Variants in NIN observed in about 807,000 individuals in gnomAD.
NIN encodes ninein.
Under a neutral mutation model 257.6 loss-of-function variants are expected in NIN, and 137 were observed. That is an observed-to-expected ratio of 0.53 (90% CI 0.46 to 0.61). The LOEUF (loss-of-function observed/expected upper bound fraction) is 0.61, where lower values mean the gene tolerates loss of function less well. Among genes scored for constraint, NIN ranks in the 20% least tolerant of loss-of-function variants. NIN has a pLI of 0.00. For synonymous variants in NIN, 918 were observed against 919.8 expected, an observed-to-expected ratio of 1.00 and a Z score of 0.04; for missense variants, 2,439 against 2,501.2, an observed-to-expected ratio of 0.98 and a Z score of 0.53.
At chr14:50,772,587 A>T in intron 8 of NIN, 119 bp from the exon 9 acceptor site, 1 of 865,444 alleles carries the variant, frequency 1.2e-6, no homozygotes, top group Non-Finnish European at 1.8e-6. Context: ...AGTGCCAGGA[A>T]AAAAGTCATG....
chr14:50,824,063 C>T (rs2045354413), intron 2 of NIN, among the ~76,000 whole-genome samples: 3 of 152,234 alleles, frequency 2.0e-5, no homozygotes, highest in African/African-American at 2.4e-5. Context: ...CTGAGTTTTA[C>T]AGTCCCCTGG....
At chr14:50,740,503 C>T (rs928752491) in intron 25 of NIN, among the ~76,000 whole-genome samples, 4 of 152,340 alleles carry the variant, frequency 2.6e-5, no homozygotes, top group Admixed American at 6.5e-5. Context: ...CACTCGCCAC[C>T]ATGCCCAGCT....
chr14:50,733,784 T>C (rs372942758), intron 28 of NIN, among the ~76,000 whole-genome samples: 1 of 152,228 alleles, frequency 6.6e-6, no homozygotes, highest in Non-Finnish European at 1.5e-5. Context: ...CAGAAAAGCA[T>C]GTCTACATCT....
rs777846333 is a variant in NIN at position 50,757,471 on chromosome 14, C to T, written c.3559G>A (p.Glu1187Lys). Residue 1187 changes from glutamate (E) to lysine (K), a missense_variant, in exon 18 of 31, where the codon GAA (glutamate) becomes AAA (lysine). Physicochemically the swap from Glu to Lys is moderately conservative, Grantham distance 56. Coordinates refer to ENST00000530997, the MANE Select transcript of NIN (RefSeq NM_020921.4). ...TCCCAGGATTCAGTCCTGGTCTCTTCACTGTTTTCAAGCTCAGAAAAACCC... is the reference window on the plus strand; with the variant it reads ...TCCCAGGATTCAGTCCTGGTCTCTTTACTGTTTTCAAGCTCAGAAAAACCC... ...VEGFSELENS[E>K]ETRTESWELK... The T allele has an allele frequency of 1.9e-6, 3 of 1,614,078 alleles. No individual in the cohort carries two copies. Among genetic ancestry groups the T allele is most frequent in the Non-Finnish European group, 2.5e-6 (3 of 1,180,020 alleles).
intron 2 of NIN, among the ~76,000 whole-genome samples, chr14:50,829,002 G>C (rs1467669593): frequency 6.6e-6 from 1 of 152,182 alleles, no homozygotes; most frequent in Non-Finnish European, 1.5e-5. Flanking sequence ...ATTGCCCCCT[G>C]TGAAGCCTTT....
intron 3 of NIN, among the ~76,000 whole-genome samples, chr14:50,812,076 C>T (rs762716870): frequency 2.0e-5 from 3 of 152,206 alleles, no homozygotes; most frequent in East Asian, 1.9e-4. Context: ...GTTGAGATCA[C>T]GCCACTGCAC....
chr14:50,789,656 C>T (rs1299164750), intron 5 of NIN, among the ~76,000 whole-genome samples: 1 of 152,212 alleles, frequency 6.6e-6, no homozygotes, highest in Non-Finnish European at 1.5e-5. Flanking sequence ...AAATCAATCC[C>T]ACACGTCATT....
At chr14:50,784,302 A>T (rs2043253024) in intron 5 of NIN, among the ~76,000 whole-genome samples, 1 of 152,182 alleles carries the variant, frequency 6.6e-6, no homozygotes, top group Admixed American at 6.5e-5. Context: ...CAGAAAAATG[A>T]TGTGGTTAGG....
chr14:50,749,037 A>G (rs776767605), intron 21 of NIN, among the ~76,000 whole-genome samples: 6 of 152,250 alleles, frequency 3.9e-5, no homozygotes, highest in Non-Finnish European at 8.8e-5. Flanking sequence ...AGCTGGGGGC[A>G]TCAAGCTACC....
chr14:50,806,007 C>T (rs1216463996), intron 4 of NIN: 3 of 152,012 alleles, frequency 2.0e-5, no homozygotes, highest in East Asian at 1.9e-4. Context: ...TTTGAAGACA[C>T]CTCCCCCCTA....
intron 3 of NIN, among the ~76,000 whole-genome samples, chr14:50,809,455 G>A (rs1466526100): frequency 1.3e-5 from 2 of 152,062 alleles, no homozygotes; most frequent in African/African-American, 4.8e-5. Flanking sequence ...TTAATGGAGG[G>A]GACTGAATGA....
intron 21 of NIN, among the ~76,000 whole-genome samples, chr14:50,748,767 C>T (rs2041663449): frequency 6.6e-6 from 1 of 152,104 alleles, no homozygotes; most frequent in Non-Finnish European, 1.5e-5. Context: ...CATGAAGGAC[C>T]TCTTCAAGGA....
intron 5 of NIN, among the ~76,000 whole-genome samples, chr14:50,788,976 A>G (rs2043460681): frequency 6.6e-6 from 1 of 152,224 alleles, no homozygotes; most frequent in African/African-American, 2.4e-5. Flanking sequence ...CATGTCTGAG[A>G]GCAGGGGAAA....
intron 4 of NIN, among the ~76,000 whole-genome samples, chr14:50,794,709 G>A (rs1276520525): frequency 6.6e-6 from 1 of 151,846 alleles, no homozygotes; most frequent in Non-Finnish European, 1.5e-5. Flanking sequence ...TTGTGTCCTG[G>A]GGATGGAAGT....
Position 50,759,862 on chromosome 14 carries a change from C to G in NIN, c.2394G>C (p.Glu798Asp). Residue 798 changes from glutamate to aspartate, a missense_variant, in exon 17 of 31, where the codon GAG (glutamate) becomes GAC (aspartate). Physicochemically the swap from Glu to Asp is conservative, Grantham distance 45. This residue lies in a region of NIN where 2,043 missense variants were observed against 2,050.2 expected (regional missense o/e 1.00). Coordinates refer to ENST00000530997, the MANE Select transcript of NIN (RefSeq NM_020921.4). ...LLEKHQRELQEGREKMETECN... is the reference protein window; with the variant it reads ...LLEKHQRELQDGREKMETECN... ...ATTTCCCTTCACTTTCTTACCTTCCCTCCTGAAGCTCCCTTTGGTGCTTTT... is the reference window on the plus strand; with the variant it reads ...ATTTCCCTTCACTTTCTTACCTTCCGTCCTGAAGCTCCCTTTGGTGCTTTT... 1 of 1,606,238 alleles carries G rather than the reference C, an allele frequency of 6.2e-7. No homozygotes were observed. Among genetic ancestry groups the G allele is most frequent in the South Asian group, 1.1e-5 (1 of 89,914 alleles).
In NIN at chr14:50,752,666, G is replaced by C; in HGVS notation, c.4802C>G (p.Ser1601Cys). Residue 1601 changes from serine (S) to cysteine (C), a missense_variant, in exon 21 of 31, where the codon TCT becomes TGT. Ser to Cys is a moderately radical substitution (Grantham distance 112, BLOSUM62 -1). This residue lies in a region of NIN where 2,043 missense variants were observed against 2,050.2 expected (regional missense o/e 1.00). Coordinates refer to ENST00000530997, the MANE Select transcript of NIN (RefSeq NM_020921.4). ...LENTELSQKN[S>C]QNQEKLQELN... ...TTCTTGCAGTTTTTCCTGGTTTTGAGAGTTCTTTTGGCTAAGTTCTGTATT... is the reference window on the plus strand; with the variant it reads ...TTCTTGCAGTTTTTCCTGGTTTTGACAGTTCTTTTGGCTAAGTTCTGTATT... The C allele has an allele frequency of 1.2e-6, 2 of 1,613,362 alleles. No homozygotes were observed. Among genetic ancestry groups the C allele is most frequent in the East Asian group, 2.2e-5 (1 of 44,860 alleles).
chr14:50,790,846 A>C (rs1457924950), intron 5 of NIN, among the ~76,000 whole-genome samples: 1 of 152,204 alleles, frequency 6.6e-6, no homozygotes, highest in Non-Finnish European at 1.5e-5. Context: ...TCAAAGTCTC[A>C]CTTTAAAAAT....
intron 5 of NIN, among the ~76,000 whole-genome samples, chr14:50,782,661 T>C (rs1450947561): frequency 4.6e-5 from 7 of 152,248 alleles, no homozygotes; most frequent in Non-Finnish European, 7.3e-5. Flanking sequence ...ATGTTGTTTA[T>C]GCAACAGAAA....
intron 7 of NIN, among the ~76,000 whole-genome samples, chr14:50,775,138 G>T (rs1022605464): frequency 2.6e-5 from 4 of 152,190 alleles, no homozygotes; most frequent in Non-Finnish European, 5.9e-5. Context: ...CTCCAAAGGG[G>T]CTGGCTGCAT....
Sources: gnomAD v4.1 joint callset for allele counts (sites outside exome capture counted in the v4.1 genomes callset) on GRCh38, gnomAD v4.1.1 for gene constraint, gnomAD v4.1.1 regional missense constraint, MANE v1.5 for transcripts, NCBI Gene and HGNC (gene_info 2026-07-23, HGNC 2026-07-21) for gene names.